YAP1: variants seen among roughly 807,000 people sequenced by gnomAD.
The protein encoded by YAP1 is transcriptional coactivator YAP1.
A neutral mutation model predicts 56.9 loss-of-function variants in YAP1; 5 were observed. The ratio of observed to expected loss-of-function variants is 0.09; its 90% CI spans 0.05 to 0.18. The LOEUF is 0.18. YAP1 is among the 10% of genes least tolerant of loss of function. The pLI, the probability that YAP1 is intolerant of heterozygous loss-of-function variation, is 1.00. For missense variants in YAP1, 539 were observed against 651.8 expected, an observed-to-expected ratio of 0.83 and a Z score of 1.88; for synonymous variants, 265 against 248.1, an observed-to-expected ratio of 1.07 and a Z score of -0.64.
intron 2 of YAP1, among the ~76,000 whole-genome samples, chr11:102,149,161 T>C (rs1945488018): frequency 6.6e-6 from 1 of 152,206 alleles, no homozygotes; most frequent in Non-Finnish European, 1.5e-5. Flanking sequence ...CTTGAAATTG[T>C]TCCTAAAGGC....
chr11:102,185,746 G>T (rs764611683), intron 3 of YAP1, among the ~76,000 whole-genome samples: 31 of 151,956 alleles, frequency 2.0e-4, no homozygotes, highest in Non-Finnish European at 4.4e-5. Context: ...AATTATTTGG[G>T]CCATGACTTC....
intron 3 of YAP1, among the ~76,000 whole-genome samples, chr11:102,182,170 T>C (rs1947664753): frequency 6.6e-6 from 1 of 152,150 alleles, no homozygotes; most frequent in Non-Finnish European, 1.5e-5. Flanking sequence ...CAGCACCACC[T>C]GGGAATTTTC....
chr11:102,175,359 C>A (rs1299452005), intron 3 of YAP1, among the ~76,000 whole-genome samples: 12 of 152,120 alleles, frequency 7.9e-5, no homozygotes, highest in Non-Finnish European at 8.8e-5. Flanking sequence ...AAGATCGCGC[C>A]ACTGCACTCC....
chr11:102,134,499 G>A (rs1944557253), intron 2 of YAP1, among the ~76,000 whole-genome samples: 1 of 146,734 alleles, frequency 6.8e-6, no homozygotes, highest in Non-Finnish European at 1.5e-5. Context: ...ATTTATATAT[G>A]TATAATATAT....
chr11:102,176,674 A>G (rs1319388803), intron 3 of YAP1, among the ~76,000 whole-genome samples: 1 of 133,292 alleles, frequency 7.5e-6, no homozygotes, highest in Non-Finnish European at 1.6e-5. Context: ...TGAACCCAGG[A>G]GGCGGAGGTT....
At position 102,111,083 on chromosome 11, in the gene YAP1, A is replaced by G; in HGVS notation, c.235A>G (p.Asn79Asp). 6.2e-7 allele frequency: 1 copy of G among 1,613,356 alleles called. No individual in the cohort carries two copies. ...CGCCGTCATGAACCCCAAGACGGCC[A>G]ACGTGCCCCAGACCGTGCCCATGAG... is the stretch of plus-strand genomic sequence containing the variant. ...FNAVMNPKTA[N>D]VPQTVPMRLR... Residue 79 changes from asparagine (N) to aspartate (D), a missense_variant, in exon 1 of 9, where the codon AAC becomes GAC. Transcript: ENST00000282441.
chr11:102,209,633 C>T, intron 6 of YAP1, 69 bp downstream of exon 6: 1 of 1,411,364 alleles, frequency 7.1e-7, no homozygotes, highest in Admixed American at 2.3e-5. Context: ...GAAAGAGAAA[C>T]TTACATTCCA....
chr11:102,118,332 A>G (rs556164444), intron 2 of YAP1, among the ~76,000 whole-genome samples: 4 of 152,190 alleles, frequency 2.6e-5, no homozygotes, highest in African/African-American at 4.8e-5. Flanking sequence ...AGCTTGGTAT[A>G]CAATTTAAAA....
At chr11:102,196,520 A>G (rs949703259) in intron 4 of YAP1, among the ~76,000 whole-genome samples, 5 of 152,206 alleles carry the variant, frequency 3.3e-5, no homozygotes, top group African/African-American at 1.2e-4. Flanking sequence ...GGGAAAATTC[A>G]TAGAGACAGA....
Position 102,135,079 on chromosome 11 carries a change from G to A in YAP1, c.572+20685G>A, listed in dbSNP as rs192428406. Among the ~76,000 whole-genome samples, 647 of 152,290 alleles carry A rather than the reference G, an allele frequency of 4.2e-3. 2 individuals carry two copies. The highest frequency in any genetic ancestry group is 0.012 in the Admixed American group (176 of 15,292). ...ATTCGGGATTTCACTATGTTGGCCA[G>A]GCTGGTCTTGAACTCCTGACCTCAG... On this transcript the variant is annotated intron_variant, in intron 2 of 8. Coordinates refer to ENST00000282441, the MANE Select transcript of YAP1 (RefSeq NM_001130145.3).
At chr11:102,215,947 T>C (rs1465587593) in intron 6 of YAP1, among the ~76,000 whole-genome samples, 2 of 152,220 alleles carry the variant, frequency 1.3e-5, no homozygotes, top group Admixed American at 1.3e-4. Context: ...CAATATGATA[T>C]GTCTTTGTGG....
Position 102,110,826 on chromosome 11 carries a change from G to C in YAP1, c.-23G>C. On this transcript the variant is annotated 5_prime_UTR_variant, in exon 1 of 9. Transcript: ENST00000282441. ...CCCTCGCTCGCCTGGGTCAGGGGGT[G>C]CGCGTCGGGGGAGGCAGAAGCCATG... 7.3e-7 allele frequency: 1 copy of C among 1,379,120 alleles called. No individual in the cohort carries two copies. The highest frequency in any genetic ancestry group is 1.5e-5 in the African/African-American group (1 of 66,070). 85.4% of individuals were successfully genotyped at this position (1,379,120 alleles called of 1,614,324 possible).
chr11:102,118,562 C>T (rs978433043), intron 2 of YAP1, among the ~76,000 whole-genome samples: 16 of 147,014 alleles, frequency 1.1e-4, no homozygotes, highest in Admixed American at 8.3e-4. Flanking sequence ...CTCCTGGGTT[C>T]GCGTGATTCT....
intron 3 of YAP1, among the ~76,000 whole-genome samples, chr11:102,165,639 T>C (rs913886174): frequency 3.3e-5 from 5 of 152,106 alleles, no homozygotes; most frequent in African/African-American, 9.7e-5. Context: ...TACAGCGTGC[T>C]AGAAGGTATT....
In YAP1 at chr11:102,148,985, A is replaced by G. The variant is rs76637423; in HGVS notation, c.573-13471A>G. Among the ~76,000 whole-genome samples the G allele has an allele frequency of 5.1e-3, 777 of 152,296 alleles. 57 individuals carry two copies. The East Asian group carries it at 0.13, about 26-fold the overall frequency. ...TAGCTGCAAATGATAGATAGAGCCT[A>G]TTAAAATATTACTTTTTTACTGCTT... On this transcript the variant is annotated intron_variant, in intron 2 of 8. Coordinates refer to ENST00000282441, the MANE Select transcript of YAP1 (RefSeq NM_001130145.3).
chr11:102,173,872 T>C (rs1947069136), intron 3 of YAP1, among the ~76,000 whole-genome samples: 1 of 152,256 alleles, frequency 6.6e-6, no homozygotes, highest in Non-Finnish European at 1.5e-5. Flanking sequence ...TTTTGCTATA[T>C]TGTTAAAGTT....
At chr11:102,165,122 A>G (rs374881669) in intron 3 of YAP1, among the ~76,000 whole-genome samples, 136 of 151,912 alleles carry the variant, frequency 9.0e-4, no homozygotes, top group African/African-American at 3.2e-3. Flanking sequence ...ACTTTGGGAG[A>G]CCAAGGTGGG....
chr11:102,172,475 C>CTT lies in YAP1; in HGVS notation c.688+9904_688+9905insTT, dbSNP rs368895891. Among the ~76,000 whole-genome samples the CTT allele has an allele frequency of 6.8e-3, 719 of 106,148 alleles. 58 individuals are homozygous for CTT. The highest frequency in any genetic ancestry group is 0.013 in the Admixed American group (126 of 9,920). The allele number at this position is 106,148 out of a possible 152,430, so 69.6% of individuals were successfully genotyped here. ...TACAGGCATACGGCACCATGCACAG[C>CTT]GTTTTTTTTTTTTTTTTTTTGGTAG... On this transcript the variant is annotated intron_variant, in intron 3 of 8. Coordinates refer to ENST00000282441, the MANE Select transcript of YAP1 (RefSeq NM_001130145.3).
At chr11:102,193,427 G>T (rs1460939166) in intron 4 of YAP1, among the ~76,000 whole-genome samples, 4 of 152,026 alleles carry the variant, frequency 2.6e-5, no homozygotes, top group Non-Finnish European at 5.9e-5. Flanking sequence ...AAATTTCGCT[G>T]TTCCTTTTTA....
Sources: gnomAD v4.1 joint callset for allele counts (sites outside exome capture counted in the v4.1 genomes callset) on GRCh38, gnomAD v4.1.1 for gene constraint, MANE v1.5 for transcripts, NCBI Gene and HGNC (gene_info 2026-07-23, HGNC 2026-07-21) for gene names.